KSR2: variants seen among roughly 807,000 people sequenced by gnomAD.
KSR2 encodes the protein kinase suppressor of ras 2.
A neutral mutation model predicts 107.8 loss-of-function variants in KSR2; 25 were observed. The observed-to-expected ratio is 0.23, with a 90% CI of 0.17 to 0.32. The LOEUF is 0.32. Among genes scored for constraint, KSR2 ranks in the 10% least tolerant of loss-of-function variants. The pLI, the probability that KSR2 is intolerant of heterozygous loss-of-function variation, is 1.00. For synonymous variants in KSR2, 480 were observed against 507.0 expected (o/e 0.95, Z 0.71); for missense variants, 887 against 1,268.9 (o/e 0.70, Z 4.57).
chr12:117,688,178 G>C (rs935299999), intron 4 of KSR2, among the ~76,000 whole-genome samples: 1 of 152,182 alleles, frequency 6.6e-6, no homozygotes, highest in South Asian at 2.1e-4. Flanking sequence ...TCAGGAGTTC[G>C]ATACCAGCCT....
At chr12:117,604,450 G>A (rs1881120149) in intron 5 of KSR2, among the ~76,000 whole-genome samples, 1 of 152,196 alleles carries the variant, frequency 6.6e-6, no homozygotes, top group Admixed American at 6.5e-5. Context: ...GTGTTGTATG[G>A]TAATTCAAAG....
intron 14 of KSR2, among the ~76,000 whole-genome samples, chr12:117,504,990 T>A (rs991931717): frequency 1.3e-5 from 2 of 152,218 alleles, no homozygotes; most frequent in African/African-American, 4.8e-5. Context: ...TAGCTCCCAC[T>A]TGTAAGTGAG....
intron 5 of KSR2, among the ~76,000 whole-genome samples, chr12:117,650,160 A>G (rs549165074): frequency 1.3e-5 from 2 of 152,312 alleles, no homozygotes; most frequent in East Asian, 1.9e-4. Context: ...GGTGGGCACA[A>G]TCTAATCAGC....
At chr12:117,847,705 A>T (rs59114295) in intron 3 of KSR2, among the ~76,000 whole-genome samples, 14,249 of 152,058 alleles carry the variant, frequency 0.094, 896 homozygotes, top group African/African-American at 0.18. Context: ...GGCCCTGCCC[A>T]CCTGTCTGGC....
At chr12:117,511,697 T>C (rs553787789) in intron 14 of KSR2, among the ~76,000 whole-genome samples, 120 of 152,320 alleles carry the variant, frequency 7.9e-4, no homozygotes, top group Middle Eastern at 6.8e-3. Flanking sequence ...ATATCCATAG[T>C]GCCATTTCAC....
chr12:117,835,757 G>T (rs1447819697), intron 3 of KSR2, among the ~76,000 whole-genome samples: 1 of 151,942 alleles, frequency 6.6e-6, no homozygotes, highest in Non-Finnish European at 1.5e-5. Flanking sequence ...CCAAGGCATG[G>T]GACAGTCCCC....
chr12:117,593,764 C>T (rs997845838), intron 5 of KSR2, among the ~76,000 whole-genome samples: 4 of 152,226 alleles, frequency 2.6e-5, no homozygotes, highest in Non-Finnish European at 4.4e-5. Context: ...GCGGATGGCC[C>T]CTAGAGCAAT....
chr12:117,479,840 A>G (rs1872045827), intron 16 of KSR2, among the ~76,000 whole-genome samples: 1 of 152,230 alleles, frequency 6.6e-6, no homozygotes, highest in South Asian at 2.1e-4. Context: ...ACAGAGGTTG[A>G]AGGCTCTTAC....
chr12:117,487,819 T>C lies in KSR2; in HGVS notation c.2220-2128A>G, dbSNP rs1277184021. On this transcript the variant is annotated intron_variant, in intron 14 of 19. Transcript: ENST00000339824. ...TCTTTCCCTTCAGCAGCTGCTGAAG[T>C]CTTTGCTTCTCTCACTCCCGTATGA... 2.0e-5 allele frequency among the ~76,000 whole-genome samples: 3 copies of C among 152,112 alleles called. No homozygotes were observed. The East Asian group carries it at 5.8e-4, about 29-fold the overall frequency.
intron 10 of KSR2, among the ~76,000 whole-genome samples, chr12:117,537,806 T>C (rs1876155776): frequency 6.6e-6 from 1 of 152,164 alleles, no homozygotes; most frequent in South Asian, 2.1e-4. Context: ...GCACCCCTTC[T>C]TGAAGACTCT....
chr12:117,551,484 A>G (rs1014817202), intron 9 of KSR2, among the ~76,000 whole-genome samples: 9 of 152,338 alleles, frequency 5.9e-5, no homozygotes, highest in Middle Eastern at 6.8e-3. Flanking sequence ...TAAGGCAGAC[A>G]GATCTTGAGA....
intron 1 of KSR2, among the ~76,000 whole-genome samples, chr12:117,964,092 T>A (rs1274440916): frequency 1.3e-5 from 2 of 152,086 alleles, no homozygotes; most frequent in Non-Finnish European, 2.9e-5. Flanking sequence ...AGACTGGCCA[T>A]CATGGCAAAA....
intron 16 of KSR2, among the ~76,000 whole-genome samples, chr12:117,483,373 A>G (rs1237630617): frequency 1.3e-5 from 2 of 151,978 alleles, no homozygotes; most frequent in Non-Finnish European, 2.9e-5. Context: ...CCTCAAAAAA[A>G]TAAAAAAATA....
chr12:117,526,985 C>T, intron 13 of KSR2, 86 bp downstream of exon 13: 2 of 1,129,340 alleles, frequency 1.8e-6, no homozygotes, highest in Non-Finnish European at 2.7e-6. Context: ...ACCCCAAGCC[C>T]TCTGCGTCAT....
At chr12:117,788,741 G>A (rs1890162197) in intron 3 of KSR2, among the ~76,000 whole-genome samples, 1 of 152,164 alleles carries the variant, frequency 6.6e-6, no homozygotes, top group Admixed American at 6.5e-5. Flanking sequence ...TCAAAATCCT[G>A]ACTTCAAATG....
At chr12:117,690,676 T>TA (rs1885776607) in intron 4 of KSR2, among the ~76,000 whole-genome samples, 1 of 152,222 alleles carries the variant, frequency 6.6e-6, no homozygotes. Flanking sequence ...TGAGCATGTG[T>TA]AAAGCAATAT....
intron 1 of KSR2, among the ~76,000 whole-genome samples, chr12:117,941,295 C>T (rs1895997344): frequency 6.6e-6 from 1 of 151,888 alleles, no homozygotes; most frequent in South Asian, 2.1e-4. Flanking sequence ...TGCCTGGCCC[C>T]CAGAATCACT....
chr12:117,642,696 T>C (rs537924370), intron 5 of KSR2, among the ~76,000 whole-genome samples: 61 of 152,358 alleles, frequency 4.0e-4, no homozygotes, highest in Middle Eastern at 6.8e-3. Context: ...CCTTTTTCAT[T>C]AATCAATGAT....
rs1870536052 is a variant in KSR2, at chr12:117,455,039, A to AGG, written c.*12159_*12160insCC. On this transcript the variant is annotated 3_prime_UTR_variant, in exon 20 of 20. Transcript: ENST00000339824. ...CAGACACAGAGACAGACAGACAGAG[A>AGG]GAGAGAGAGAGAGAGAGAGAGAGAG... 7.0e-6 allele frequency: 1 copy of AGG among 142,438 alleles called. No homozygotes were observed. Among genetic ancestry groups the AGG allele is most frequent in the African/African-American group, 2.7e-5 (1 of 36,770 alleles). The allele number at this position is 142,438 out of a possible 1,614,324, so 8.8% of individuals were successfully genotyped here.
Sources: gnomAD v4.1 joint callset for allele counts (sites outside exome capture counted in the v4.1 genomes callset) on GRCh38, gnomAD v4.1.1 for gene constraint, MANE v1.5 for transcripts, NCBI Gene and HGNC (gene_info 2026-07-23, HGNC 2026-07-21) for gene names.